MACROD2: variants seen among roughly 807,000 people sequenced by gnomAD.
The protein encoded by MACROD2 is ADP-ribose glycohydrolase MACROD2.
MACROD2 carries 36 observed loss-of-function variants against 70.4 expected under a neutral mutation model. The ratio of observed to expected loss-of-function variants is 0.51; its 90% CI spans 0.39 to 0.68. MACROD2 has a LOEUF of 0.68. MACROD2 is among the 30% of genes least tolerant of loss of function. The pLI is 0.00. For missense variants in MACROD2, 496 were observed against 538.4 expected, an observed-to-expected ratio of 0.92 and a Z score of 0.78; for synonymous variants, 172 against 178.8, an observed-to-expected ratio of 0.96 and a Z score of 0.30.
chr20:15,003,920 A>G (rs900164577), intron 5 of MACROD2, among the ~76,000 whole-genome samples: 5 of 152,008 alleles, frequency 3.3e-5, no homozygotes, highest in Non-Finnish European at 7.4e-5. Context: ...CATGTCTGAC[A>G]CCTGTGGTTC....
intron 5 of MACROD2, among the ~76,000 whole-genome samples, chr20:14,846,451 G>A (rs138226958): frequency 6.6e-6 from 1 of 150,464 alleles, no homozygotes; most frequent in African/African-American, 2.4e-5. Flanking sequence ...AAGTTTTTTC[G>A]AAAACTAAAT....
At chr20:14,103,547 A>T (rs1038381529) in intron 3 of MACROD2, among the ~76,000 whole-genome samples, 2 of 152,190 alleles carry the variant, frequency 1.3e-5, no homozygotes, top group African/African-American at 4.8e-5. Context: ...AATACTTAAG[A>T]TAGGAAGAAT....
chr20:14,116,346 G>C (rs899627510), intron 3 of MACROD2, among the ~76,000 whole-genome samples: 1 of 152,272 alleles, frequency 6.6e-6, no homozygotes, highest in East Asian at 1.9e-4. Context: ...ATCCGTTTAC[G>C]TATCTCCAAT....
intron 8 of MACROD2, among the ~76,000 whole-genome samples, chr20:15,792,085 G>A (rs1265635246): frequency 6.6e-6 from 1 of 152,098 alleles, no homozygotes; most frequent in Non-Finnish European, 1.5e-5. Context: ...GTGAGAGAAT[G>A]TTCCCAGATT....
chr20:15,741,018 A>G lies in MACROD2; in HGVS notation c.646-121727A>G, dbSNP rs534080001. On this transcript the variant is annotated intron_variant, in intron 8 of 17. Coordinates refer to ENST00000684519, the MANE Select transcript of MACROD2 (RefSeq NM_001351661.2). Reference sequence around the variant, plus strand: ...TCTCATCTCTGCTCAGAGCTCTCCAATGGATCACACCTCACTCAAAATAAA... The same window carrying G: ...TCTCATCTCTGCTCAGAGCTCTCCAGTGGATCACACCTCACTCAAAATAAA... 6.6e-5 allele frequency among the ~76,000 whole-genome samples: 10 copies of G among 151,874 alleles called. No homozygotes were observed. The South Asian group carries it at 8.4e-4, about 13-fold the overall frequency.
At chr20:14,878,811 A>G (rs776757213) in intron 5 of MACROD2, among the ~76,000 whole-genome samples, 8 of 152,066 alleles carry the variant, frequency 5.3e-5, no homozygotes, top group Non-Finnish European at 8.8e-5. Context: ...TCCAGGCTCA[A>G]ATTACACTCT....
chr20:15,606,021 C>G (rs1345304429), intron 8 of MACROD2, among the ~76,000 whole-genome samples: 2 of 152,142 alleles, frequency 1.3e-5, no homozygotes, highest in African/African-American at 4.8e-5. Context: ...ACTTGTCAAC[C>G]TGTCTCTCCC....
intron 5 of MACROD2, among the ~76,000 whole-genome samples, chr20:15,176,760 G>A (rs890109456): frequency 2.6e-5 from 4 of 152,144 alleles, no homozygotes; most frequent in African/African-American, 9.7e-5. Flanking sequence ...AAACAGGGCT[G>A]AAACATGCTC....
At chr20:14,985,975 C>T (rs1172472935) in intron 5 of MACROD2, among the ~76,000 whole-genome samples, 1 of 151,900 alleles carries the variant, frequency 6.6e-6, no homozygotes, top group East Asian at 1.9e-4. Context: ...GGTTGTAGTG[C>T]AACATATTTG....
chr20:14,468,790 G>A lies in MACROD2; in HGVS notation c.272-24689G>A, dbSNP rs556362164. 2.0e-5 allele frequency among the ~76,000 whole-genome samples: 3 copies of A among 152,192 alleles called. 1 individual carries two copies. The South Asian group carries it at 6.2e-4, about 32-fold the overall frequency. On this transcript the variant is annotated intron_variant, in intron 3 of 17. Coordinates refer to ENST00000684519, the MANE Select transcript of MACROD2 (RefSeq NM_001351661.2). ...CTCCCAAAGTGCTGGGATTACAGGC[G>A]TGAGCTGTCACGCCCAGCCTCTATG...
At chr20:14,413,174 G>A (rs1167040897) in intron 3 of MACROD2, among the ~76,000 whole-genome samples, 1 of 135,046 alleles carries the variant, frequency 7.4e-6, no homozygotes, top group Admixed American at 8.1e-5. Context: ...TCCAACTTTA[G>A]AACCTGTGCT....
intron 6 of MACROD2, among the ~76,000 whole-genome samples, chr20:15,273,257 G>A (rs976520898): frequency 3.9e-5 from 6 of 151,992 alleles, no homozygotes; most frequent in African/African-American, 9.7e-5. Context: ...CCAAGCCTCC[G>A]AGCCTACATA....
At chr20:14,817,256 A>G (rs2072784351) in intron 5 of MACROD2, among the ~76,000 whole-genome samples, 1 of 152,142 alleles carries the variant, frequency 6.6e-6, no homozygotes. Flanking sequence ...CTGATATAGC[A>G]TTTGAAATCG....
intron 5 of MACROD2, among the ~76,000 whole-genome samples, chr20:14,728,213 C>G (rs1378452924): frequency 6.6e-6 from 1 of 152,110 alleles, no homozygotes; most frequent in Non-Finnish European, 1.5e-5. Context: ...TGGCACATCC[C>G]TGTAATACTA....
intron 3 of MACROD2, among the ~76,000 whole-genome samples, chr20:14,300,834 A>G (rs1158276199): frequency 6.6e-6 from 1 of 150,712 alleles, no homozygotes; most frequent in East Asian, 2.0e-4. Context: ...CAAGCAGAGG[A>G]AATAGTTGAA....
At chr20:14,742,692 G>C (rs1731110614) in intron 5 of MACROD2, among the ~76,000 whole-genome samples, 1 of 151,594 alleles carries the variant, frequency 6.6e-6, no homozygotes, top group African/African-American at 2.4e-5. Context: ...GAAAAATATT[G>C]AAAAGAGGAA....
intron 8 of MACROD2, among the ~76,000 whole-genome samples, chr20:15,513,950 C>T (rs982523465): frequency 6.6e-6 from 1 of 151,966 alleles, no homozygotes; most frequent in Non-Finnish European, 1.5e-5. Context: ...TGATGTGGGC[C>T]TAGGCTAATG....
At chr20:15,641,310 A>C (rs1194096815) in intron 8 of MACROD2, among the ~76,000 whole-genome samples, 1 of 152,188 alleles carries the variant, frequency 6.6e-6, no homozygotes, top group Non-Finnish European at 1.5e-5. Flanking sequence ...TGCTGTTTTG[A>C]GGCAGACTAA....
chr20:15,363,028 G>A (rs1311912835), intron 6 of MACROD2, among the ~76,000 whole-genome samples: 3 of 151,656 alleles, frequency 2.0e-5, no homozygotes, highest in African/African-American at 7.3e-5. Context: ...AGGGAGGAAG[G>A]GAGGAAGCCC....
Sources: gnomAD v4.1 joint callset for allele counts (sites outside exome capture counted in the v4.1 genomes callset) on GRCh38, gnomAD v4.1.1 for gene constraint, MANE v1.5 for transcripts, NCBI Gene and HGNC (gene_info 2026-07-23, HGNC 2026-07-21) for gene names.